DIAPH3: variants seen among roughly 807,000 people sequenced by gnomAD.
The protein encoded by DIAPH3 is protein diaphanous homolog 3.
DIAPH3 carries 117 observed loss-of-function variants against 144.3 expected under a neutral mutation model. The ratio of observed to expected loss-of-function variants is 0.81; its 90% CI spans 0.70 to 0.95. DIAPH3 has a LOEUF of 0.95. Ranked by LOEUF, DIAPH3 falls within the 40% of genes least tolerant of loss-of-function variation. The probability of loss-of-function intolerance (pLI) is 0.00; values close to 1 mark genes in which losing one functional copy is unlikely to be tolerated. For missense variants in DIAPH3, 1,421 were observed against 1,412.7 expected, an observed-to-expected ratio of 1.01 and a Z score of -0.09; for synonymous variants, 519 against 488.9, an observed-to-expected ratio of 1.06 and a Z score of -0.81.
intron 5 of DIAPH3, among the ~76,000 whole-genome samples, chr13:60,037,277 G>C (rs2055296938): frequency 6.6e-6 from 1 of 151,658 alleles, no homozygotes; most frequent in South Asian, 2.1e-4. Context: ...TAATCTGGGG[G>C]GCGGGGACAA....
chr13:60,070,465 T>A (rs2057161063), intron 4 of DIAPH3, among the ~76,000 whole-genome samples: 1 of 152,034 alleles, frequency 6.6e-6, no homozygotes. Context: ...GTTGATCATG[T>A]CTATGTTTTA....
intron 21 of DIAPH3, among the ~76,000 whole-genome samples, chr13:59,869,888 C>A (rs1032960757): frequency 5.3e-5 from 8 of 151,942 alleles, no homozygotes; most frequent in African/African-American, 1.9e-4. Context: ...GATAAAAGTC[C>A]TTTATCAGGT....
At chr13:60,123,299 A>G (rs1201433291) in intron 2 of DIAPH3, among the ~76,000 whole-genome samples, 1 of 152,200 alleles carries the variant, frequency 6.6e-6, no homozygotes, top group Non-Finnish European at 1.5e-5. Flanking sequence ...CCCAGACGAC[A>G]GAGACCTTCT....
At chr13:60,121,963 C>T (rs2058857375) in intron 2 of DIAPH3, among the ~76,000 whole-genome samples, 1 of 152,100 alleles carries the variant, frequency 6.6e-6, no homozygotes, top group Admixed American at 6.5e-5. Context: ...AACCTGCCTC[C>T]ATCTCTTCAC....
chr13:60,010,382 G>T, intron 8 of DIAPH3, 151 bp downstream of exon 8: 2 of 730,286 alleles, frequency 2.7e-6, no homozygotes, highest in South Asian at 2.8e-5. Context: ...AAAATTTCCA[G>T]CCAATAAGAA....
chr13:59,911,453 G>A (rs1239020407), intron 20 of DIAPH3, among the ~76,000 whole-genome samples: 1 of 152,128 alleles, frequency 6.6e-6, no homozygotes, highest in Non-Finnish European at 1.5e-5. Context: ...CTATTCTTAA[G>A]AAGTACAGTT....
In DIAPH3 at chr13:59,832,850, C is replaced by G. The variant is rs576920571; in HGVS notation, c.3027+257G>C. On this transcript the variant is annotated intron_variant, in intron 24 of 27. Coordinates refer to ENST00000400324, the MANE Select transcript of DIAPH3 (RefSeq NM_001042517.2). ...ACAGAAGTGCTCTGTAATTAGCCAG[C>G]AAGGGAGTCTTTATGAAGAACTTCA... 3 of 396,556 alleles carry G rather than the reference C, an allele frequency of 7.6e-6. No individual in the cohort carries two copies. In the East Asian group the frequency reaches 1.4e-4, roughly 18 times the overall value. 24.6% of individuals were successfully genotyped at this position (396,556 alleles called of 1,614,324 possible).
chr13:60,126,159 G>C (rs1459789547), intron 2 of DIAPH3, among the ~76,000 whole-genome samples: 1 of 152,076 alleles, frequency 6.6e-6, no homozygotes, highest in Non-Finnish European at 1.5e-5. Context: ...GGAAAGAATA[G>C]TAGAATCAGG....
rs954490091 is a variant in DIAPH3 at position 60,163,847 on chromosome 13, G to A, written c.-81C>T. 3 of 1,506,064 alleles carry A rather than the reference G, an allele frequency of 2.0e-6. No individual in the cohort carries two copies. The highest frequency in any genetic ancestry group is 5.0e-5 in the East Asian group (2 of 40,386). 93.3% of individuals were successfully genotyped at this position (1,506,064 alleles called of 1,614,324 possible). A position where few individuals can be genotyped will look rare whatever the true frequency, so the allele number is the denominator to read the frequency against. ...CTGGAAGCTGAGGGATCGACAACAG[G>A]TTTTACTCCCGGGGTCCGCCACCCA... On this transcript the variant is annotated 5_prime_UTR_variant, in exon 1 of 28. Transcript: ENST00000400324.
chr13:59,851,379 T>C (rs2042959639), intron 22 of DIAPH3, among the ~76,000 whole-genome samples: 1 of 152,188 alleles, frequency 6.6e-6, no homozygotes, highest in Non-Finnish European at 1.5e-5. Flanking sequence ...TACGACTCTT[T>C]TATGTTTTTC....
At chr13:59,724,983 G>C (rs1251564832) in intron 27 of DIAPH3, among the ~76,000 whole-genome samples, 4 of 152,138 alleles carry the variant, frequency 2.6e-5, no homozygotes, top group African/African-American at 9.7e-5. Context: ...ATACATAGAA[G>C]AGAGCTGTAT....
At chr13:60,046,177 A>G (rs1201928540) in intron 4 of DIAPH3, among the ~76,000 whole-genome samples, 2 of 152,200 alleles carry the variant, frequency 1.3e-5, no homozygotes, top group Non-Finnish European at 2.9e-5. Flanking sequence ...CTGAATCCAC[A>G]TTTTATAAAG....
At chr13:59,794,659 C>T (rs182872649) in intron 25 of DIAPH3, among the ~76,000 whole-genome samples, 117 of 152,136 alleles carry the variant, frequency 7.7e-4, no homozygotes, top group African/African-American at 2.6e-3. Context: ...CTATCTAATC[C>T]ACTATAAATA....
intron 17 of DIAPH3, among the ~76,000 whole-genome samples, chr13:59,962,059 CA>C (rs745486890): frequency 1.4e-4 from 21 of 152,012 alleles, no homozygotes; most frequent in South Asian, 4.2e-4. Flanking sequence ...TGAAATATTT[CA>C]TTACATGTAT....
chr13:59,865,194 G>A (rs340213), intron 21 of DIAPH3, among the ~76,000 whole-genome samples: 83,904 of 151,638 alleles, frequency 0.55, 24,660 homozygotes, highest in East Asian at 0.73. Context: ...AAGCATCAAA[G>A]CATAAAATGT....
chr13:59,710,955 C>T (rs577215133), intron 27 of DIAPH3, among the ~76,000 whole-genome samples: 1 of 152,280 alleles, frequency 6.6e-6, no homozygotes, highest in African/African-American at 2.4e-5. Context: ...CAAAAACACT[C>T]AGAGGATGTA....
chr13:59,926,907 A>G (rs2047778790), intron 17 of DIAPH3, among the ~76,000 whole-genome samples: 1 of 152,162 alleles, frequency 6.6e-6, no homozygotes, highest in African/African-American at 2.4e-5. Flanking sequence ...AGATGGTCTG[A>G]CAAATGCTGA....
chr13:59,840,486 G>T (rs529668727), intron 22 of DIAPH3, among the ~76,000 whole-genome samples: 9 of 150,962 alleles, frequency 6.0e-5, no homozygotes, highest in Admixed American at 1.3e-4. Context: ...ATTTTAGCTT[G>T]GTTCAAAAGA....
chr13:59,710,618 GAGTC>G (rs2034683004), intron 27 of DIAPH3, among the ~76,000 whole-genome samples: 1 of 152,178 alleles, frequency 6.6e-6, no homozygotes, highest in Admixed American at 6.5e-5. Flanking sequence ...GGGAAAATCT[GAGTC>G]TTCATTTATT....
Sources: gnomAD v4.1 joint callset for allele counts (sites outside exome capture counted in the v4.1 genomes callset) on GRCh38, gnomAD v4.1.1 for gene constraint, MANE v1.5 for transcripts, NCBI Gene and HGNC (gene_info 2026-07-23, HGNC 2026-07-21) for gene names.